Variants in AXIN1 observed in about 807,000 individuals in gnomAD.
AXIN1 encodes axin-1.
AXIN1 carries 30 observed loss-of-function variants against 76.4 expected under a neutral mutation model. The ratio of observed to expected loss-of-function variants is 0.39; its 90% CI spans 0.29 to 0.53. The LOEUF is 0.53. Ranked by LOEUF, AXIN1 falls within the 20% of genes least tolerant of loss-of-function variation. The probability of loss-of-function intolerance (pLI) is 0.66; values close to 1 mark genes in which losing one functional copy is unlikely to be tolerated. For missense variants in AXIN1, 1,140 were observed against 1,198.8 expected (o/e 0.95, Z 0.72); for synonymous variants, 545 against 501.4 (o/e 1.09, Z -1.16).
intron 2 of AXIN1, among the ~76,000 whole-genome samples, chr16:321,318 C>T (rs2053452933): frequency 6.6e-6 from 1 of 152,172 alleles, no homozygotes; most frequent in Admixed American, 6.5e-5. Flanking sequence ...CACCACATGG[C>T]ACCTGCTGGT....
rs1391355548 is a variant in AXIN1 at position 293,182 on chromosome 16, C to T, written c.2186+306G>A. On this transcript the variant is annotated intron_variant, in intron 8 of 10. Coordinates refer to ENST00000262320, the MANE Select transcript of AXIN1 (RefSeq NM_003502.4). This position sits in a 1 kb window ranked among gnomAD's most constrained non-coding sequence, Gnocchi z 4.6. ...GCCTCTGGCTGGGGACCGGCGTTCCCCACACACTGGGGCCCTGCAGCCTCC... is the reference window on the plus strand; with the variant it reads ...GCCTCTGGCTGGGGACCGGCGTTCCTCACACACTGGGGCCCTGCAGCCTCC... 1 of 483,360 alleles carries T rather than the reference C, an allele frequency of 2.1e-6. No homozygotes were observed. The highest frequency in any genetic ancestry group is 3.4e-5 in the Admixed American group (1 of 29,332). 29.9% of individuals were successfully genotyped at this position (483,360 alleles called of 1,614,324 possible).
intron 5 of AXIN1, among the ~76,000 whole-genome samples, chr16:302,473 T>C (rs765943367): frequency 1.2e-4 from 19 of 152,204 alleles, no homozygotes; most frequent in Non-Finnish European, 2.5e-4. Context: ...CATGGGGAGC[T>C]CCACCATCTG....
chr16:304,473 T>A lies in AXIN1; in HGVS notation c.1117-32A>T, dbSNP rs372815135. The stretch of plus-strand genomic sequence containing the variant: ...GGGACAGGACTGTGAGGCACGGGGG[T>A]TGAAAGGTCACAGGCTAAACATTTC... On this transcript the variant is annotated intron_variant, in intron 4 of 10. Coordinates refer to ENST00000262320, the MANE Select transcript of AXIN1 (RefSeq NM_003502.4). The A allele has an allele frequency of 1.2e-4, 190 of 1,612,122 alleles. 1 individual carries two copies. The highest frequency in any genetic ancestry group is 1.6e-4 in the Non-Finnish European group (183 of 1,179,740).
rs2052422483 is a variant in AXIN1 at position 287,788 on chromosome 16, T to TAGATCCCAGCACACGTGCCCAAG, written c.*311_*333dup. On this transcript the variant is annotated 3_prime_UTR_variant, in exon 11 of 11. Transcript: ENST00000262320. ...ACGTGGGCAAATCCCAGAGGGAAAGTAGATCCCAGCACACGTGCCCAAGGG... is the reference window on the plus strand; with the variant it reads ...ACGTGGGCAAATCCCAGAGGGAAAGTAGATCCCAGCACACGTGCCCAAGAGATCCCAGCACACGTGCCCAAGGG... The TAGATCCCAGCACACGTGCCCAAG allele has an allele frequency of 8.7e-6, 4 of 457,332 alleles. No homozygotes were observed. The South Asian group carries it at 8.8e-5, about 10-fold the overall frequency. 28.3% of individuals were successfully genotyped at this position (457,332 alleles called of 1,614,324 possible). A position where few individuals can be genotyped will look rare whatever the true frequency, so the allele number is the denominator to read the frequency against.
At chr16:294,069 G>A (rs1327620713) in intron 7 of AXIN1, among the ~76,000 whole-genome samples, 2 of 152,152 alleles carry the variant, frequency 1.3e-5, no homozygotes, top group Non-Finnish European at 2.9e-5. Context: ...GCTGGGGCCC[G>A]AGAATGGCTG....
chr16:338,225 C>T (rs1421182128), intron 2 of AXIN1, among the ~76,000 whole-genome samples: 2 of 152,240 alleles, frequency 1.3e-5, no homozygotes, highest in Non-Finnish European at 2.9e-5. Flanking sequence ...AAATCTGTGA[C>T]ACTGGCGCAA....
chr16:296,154 A>G (rs1370525254), intron 7 of AXIN1, among the ~76,000 whole-genome samples: 2 of 152,216 alleles, frequency 1.3e-5, no homozygotes, highest in East Asian at 3.9e-4. Context: ...GGAGCCCCAG[A>G]AAAACGATGA....
In AXIN1 at chr16:288,446, T is replaced by C. The variant is rs2052451286; in HGVS notation, c.2463-198A>G. On this transcript the variant is annotated intron_variant, in intron 10 of 10. Transcript: ENST00000262320. ...CACATGTGGGTGAAGTGGGCAGCCA[T>C]GGGGGGTGAGTTCACTGCCTGCTGG... The C allele has an allele frequency of 5.1e-6, 4 of 778,484 alleles. No individual in the cohort carries two copies. In the South Asian group the frequency reaches 6.6e-5, roughly 13 times the overall value. The allele number at this position is 778,484 out of a possible 1,614,324, so 48.2% of individuals were successfully genotyped here. A position where few individuals can be genotyped will look rare whatever the true frequency, so the allele number is the denominator to read the frequency against.
intron 1 of AXIN1, among the ~76,000 whole-genome samples, chr16:347,816 G>T (rs570544134): frequency 6.6e-6 from 1 of 152,154 alleles, no homozygotes; most frequent in Non-Finnish European, 1.5e-5. Flanking sequence ...CCACAGAGGC[G>T]CTCGGACACC....
chr16:297,446 C>T (rs547278092), intron 6 of AXIN1, among the ~76,000 whole-genome samples: 1 of 152,074 alleles, frequency 6.6e-6, no homozygotes, highest in African/African-American at 2.4e-5. Flanking sequence ...GGGTTGGTTT[C>T]CTCTCTAAAC....
intron 7 of AXIN1, 151 bp downstream of exon 7, chr16:296,905 G>T: frequency 1.1e-6 from 1 of 941,600 alleles, no homozygotes; most frequent in Non-Finnish European, 1.7e-6. Context: ...CTGCTGGAGG[G>T]TGCCCGGGAG....
In AXIN1 at chr16:293,305, C is replaced by T. The variant is rs951746549; in HGVS notation, c.2186+183G>A. ...AAGCTCCAGCCCCAGCCTCCGTCCA[C>T]CGCAGGGTGGCCTGCCACGTGGCCC... On this transcript the variant is annotated intron_variant, in intron 8 of 10. Coordinates refer to ENST00000262320, the MANE Select transcript of AXIN1 (RefSeq NM_003502.4). The surrounding 1 kb of genome is among the most constrained non-coding windows in gnomAD (Gnocchi z 4.6). 3.5e-5 allele frequency: 23 copies of T among 653,030 alleles called. No homozygotes were observed. The Admixed American group carries it at 3.9e-4, about 11-fold the overall frequency. The allele number at this position is 653,030 out of a possible 1,614,324, so 40.5% of individuals were successfully genotyped here.
intron 3 of AXIN1, among the ~76,000 whole-genome samples, chr16:312,336 C>T (rs769698039): frequency 6.6e-6 from 1 of 152,160 alleles, no homozygotes; most frequent in Non-Finnish European, 1.5e-5. Flanking sequence ...TTGTTAAACA[C>T]TTCAGTACAA....
intron 2 of AXIN1, among the ~76,000 whole-genome samples, chr16:341,576 T>A (rs1030230601): frequency 6.6e-6 from 1 of 152,054 alleles, no homozygotes; most frequent in African/African-American, 2.4e-5. Flanking sequence ...GCGGACCGAG[T>A]CTCCCCGACG....
intron 9 of AXIN1, 172 bp from the exon 10 acceptor site, chr16:289,779 T>C (rs945000374): frequency 1.0e-5 from 8 of 786,326 alleles, no homozygotes; most frequent in Non-Finnish European, 1.6e-5. Context: ...ATCTGGGATC[T>C]AGTCCGCTAG....
intron 1 of AXIN1, among the ~76,000 whole-genome samples, chr16:349,170 T>TGGTTTGCAACTA (rs1315875165): frequency 6.6e-6 from 1 of 152,194 alleles, no homozygotes; most frequent in East Asian, 1.9e-4. Flanking sequence ...AGATGGAGGA[T>TGGTTTGCAACTA]GGTTTGCAAC....
chr16:310,201 GAC>G (rs2053139377), intron 3 of AXIN1, 132 bp from the exon 4 acceptor site: 1 of 759,334 alleles, frequency 1.3e-6, no homozygotes, highest in Non-Finnish European at 2.3e-6. Flanking sequence ...CCACCACTGA[GAC>G]ACGTGCACAC....
At chr16:302,932 G>A (rs2052912765) in intron 5 of AXIN1, among the ~76,000 whole-genome samples, 1 of 152,150 alleles carries the variant, frequency 6.6e-6, no homozygotes, top group Non-Finnish European at 1.5e-5. Context: ...CACAGCCTCG[G>A]CTCACTGTAG....
chr16:312,529 T>C (rs2053206292), intron 3 of AXIN1, among the ~76,000 whole-genome samples: 2 of 152,240 alleles, frequency 1.3e-5, no homozygotes, highest in South Asian at 2.1e-4. Context: ...CTAGGATGCA[T>C]GTCAGGCGCT....
Sources: allele counts gnomAD v4.1 joint callset (sites outside exome capture counted in the v4.1 genomes callset), GRCh38; gene constraint gnomAD v4.1.1; non-coding constraint Gnocchi (gnomAD v3.1); transcripts MANE v1.5; gene names NCBI Gene and HGNC (gene_info 2026-07-23, HGNC 2026-07-21).